Variants in EPHA6 observed in about 807,000 individuals in gnomAD.
EPHA6 encodes EPH receptor A6.
EPHA6 carries 50 observed loss-of-function variants against 112.0 expected under a neutral mutation model. The observed-to-expected ratio is 0.45, with a 90% CI of 0.36 to 0.56. EPHA6 has a LOEUF of 0.56. Ranked by LOEUF, EPHA6 falls within the 20% of genes least tolerant of loss-of-function variation. The pLI is 0.00. For synonymous variants in EPHA6, 529 were observed against 490.7 expected (o/e 1.08, Z -1.03); for missense variants, 1,280 against 1,417.4 (o/e 0.90, Z 1.56).
At chr3:97,458,823 C>T (rs1390888919) in intron 7 of EPHA6, among the ~76,000 whole-genome samples, 1 of 152,046 alleles carries the variant, frequency 6.6e-6, no homozygotes, top group Non-Finnish European at 1.5e-5. Flanking sequence ...TTCATTCACC[C>T]ATTTACTCAA....
chr3:97,708,475 T>C (rs888596033), intron 14 of EPHA6, among the ~76,000 whole-genome samples: 1 of 152,230 alleles, frequency 6.6e-6, no homozygotes, highest in Non-Finnish European at 1.5e-5. Context: ...TTGGAACTTA[T>C]GTTTAAAAGG....
intron 2 of EPHA6, among the ~76,000 whole-genome samples, chr3:96,954,329 A>G (rs1406140182): frequency 6.6e-6 from 1 of 152,170 alleles, no homozygotes; most frequent in Non-Finnish European, 1.5e-5. Context: ...AAATATTCTC[A>G]AAAGCCTGCC....
chr3:97,157,254 C>T (rs1488623459), intron 3 of EPHA6, among the ~76,000 whole-genome samples: 1 of 152,030 alleles, frequency 6.6e-6, no homozygotes, highest in Non-Finnish European at 1.5e-5. Flanking sequence ...TATGAAATAA[C>T]TTATATTCTT....
Position 97,749,752 on chromosome 3 carries a change from A to T in EPHA6, c.*1051A>T, listed in dbSNP as rs535552368. On this transcript the variant is annotated 3_prime_UTR_variant, in exon 18 of 18. Transcript: ENST00000389672. ...GATAGATACATGGTGGCCCAAGAAA[A>T]TAAACAGACTTAGCTGATCATTTGG... 1.3e-5 allele frequency among the ~76,000 whole-genome samples: 2 copies of T among 152,348 alleles called. No individual in the cohort carries two copies. Among genetic ancestry groups the T allele is most frequent in the South Asian group, 4.1e-4 (2 of 4,828 alleles).
At chr3:97,400,274 T>C (rs1464936834) in intron 5 of EPHA6, among the ~76,000 whole-genome samples, 2 of 151,698 alleles carry the variant, frequency 1.3e-5, no homozygotes, top group East Asian at 3.9e-4. Flanking sequence ...AATACATAGG[T>C]TTATTTCTGT....
chr3:97,619,990 G>C (rs1009937820), intron 13 of EPHA6, among the ~76,000 whole-genome samples: 1 of 152,092 alleles, frequency 6.6e-6, no homozygotes, highest in Non-Finnish European at 1.5e-5. Context: ...CAAAGCTGGA[G>C]GCATCATGCT....
chr3:97,445,865 C>A (rs1397307522), intron 6 of EPHA6, among the ~76,000 whole-genome samples: 1 of 152,026 alleles, frequency 6.6e-6, no homozygotes, highest in Non-Finnish European at 1.5e-5. Flanking sequence ...AACAATGGAA[C>A]GTGTTCCCTA....
At chr3:97,085,917 A>G (rs1312150579) in intron 3 of EPHA6, among the ~76,000 whole-genome samples, 4 of 142,780 alleles carry the variant, frequency 2.8e-5, no homozygotes, top group Non-Finnish European at 6.0e-5. Flanking sequence ...GAGCTTTTAT[A>G]TATATGATGT....
In EPHA6 at chr3:97,623,875, T is replaced by C. The variant is rs987769280; in HGVS notation, c.2574+13021T>C. Among the ~76,000 whole-genome samples the C allele has an allele frequency of 5.3e-5, 8 of 151,870 alleles. 1 individual carries two copies. The South Asian group carries it at 1.4e-3, about 28-fold the overall frequency. On this transcript the variant is annotated intron_variant, in intron 13 of 17. Coordinates refer to ENST00000389672, the MANE Select transcript of EPHA6 (RefSeq NM_001080448.3). ...TTCCATTGGTCAATATGTGTGTCTT[T>C]ATGCAAATACCACAATATTTTGATT... is the stretch of plus-strand genomic sequence containing the variant.
intron 5 of EPHA6, among the ~76,000 whole-genome samples, chr3:97,277,130 C>G (rs115524893): frequency 0.031 from 4,759 of 152,034 alleles, 243 homozygotes; most frequent in African/African-American, 0.11. Flanking sequence ...ACAGGCGAGA[C>G]GGAAAGAAGG....
intron 5 of EPHA6, among the ~76,000 whole-genome samples, chr3:97,327,540 G>A (rs540313771): frequency 2.6e-5 from 4 of 151,704 alleles, no homozygotes; most frequent in African/African-American, 7.2e-5. Context: ...TATCACCTAT[G>A]TATGTTTGTG....
chr3:97,644,569 G>A (rs1436612808), intron 14 of EPHA6, among the ~76,000 whole-genome samples: 4 of 151,744 alleles, frequency 2.6e-5, no homozygotes, highest in East Asian at 3.9e-4. Context: ...AAAGAGGGAA[G>A]AATCAAATAG....
chr3:97,241,766 T>G (rs200307125), intron 4 of EPHA6, among the ~76,000 whole-genome samples: 166 of 149,460 alleles, frequency 1.1e-3, no homozygotes, highest in Middle Eastern at 6.9e-3. Flanking sequence ...TTTTTTTTTT[T>G]TTTTGTTTTT....
chr3:97,275,381 G>C (rs887722238), intron 5 of EPHA6, among the ~76,000 whole-genome samples: 1 of 152,186 alleles, frequency 6.6e-6, no homozygotes, highest in Non-Finnish European at 1.5e-5. Context: ...TGCTGAGCCT[G>C]ATGGGTGTCA....
intron 5 of EPHA6, among the ~76,000 whole-genome samples, chr3:97,283,364 T>C (rs996233270): frequency 1.3e-5 from 2 of 152,282 alleles, no homozygotes; most frequent in South Asian, 2.1e-4. Context: ...ATGAGATTCA[T>C]TGAATCATGT....
At chr3:97,711,188 C>T (rs1400566582) in intron 14 of EPHA6, among the ~76,000 whole-genome samples, 5 of 152,122 alleles carry the variant, frequency 3.3e-5, no homozygotes, top group South Asian at 2.1e-4. Context: ...TTTCCCTTCA[C>T]AAGCTCTCTC....
chr3:97,344,593 A>G (rs964758944), intron 5 of EPHA6, among the ~76,000 whole-genome samples: 25 of 151,812 alleles, frequency 1.6e-4, no homozygotes, highest in Non-Finnish European at 5.9e-5. Flanking sequence ...TCAGACTTAC[A>G]CCCCCCAGAA....
At chr3:97,149,231 G>A (rs2076112563) in intron 3 of EPHA6, among the ~76,000 whole-genome samples, 1 of 152,064 alleles carries the variant, frequency 6.6e-6, no homozygotes, top group African/African-American at 2.4e-5. Context: ...GATACCTAGA[G>A]GACTTTGATG....
At chr3:97,204,252 T>C (rs976042224) in intron 3 of EPHA6, among the ~76,000 whole-genome samples, 2 of 152,116 alleles carry the variant, frequency 1.3e-5, no homozygotes, top group Non-Finnish European at 2.9e-5. Context: ...TGTACTAGGC[T>C]CCAGAAATAT....
Sources: gnomAD v4.1 joint callset for allele counts (sites outside exome capture counted in the v4.1 genomes callset) on GRCh38, gnomAD v4.1.1 for gene constraint, MANE v1.5 for transcripts, NCBI Gene and HGNC (gene_info 2026-07-23, HGNC 2026-07-21) for gene names.